Variants in PLEKHG1 observed in about 807,000 individuals in gnomAD.
The protein encoded by PLEKHG1 is pleckstrin homology domain-containing family G member 1.
A neutral mutation model predicts 100.8 loss-of-function variants in PLEKHG1; 44 were observed. The observed-to-expected ratio is 0.44, with a 90% CI of 0.34 to 0.56. The LOEUF (loss-of-function observed/expected upper bound fraction) is 0.56. Ranked by LOEUF, PLEKHG1 falls within the 20% of genes least tolerant of loss-of-function variation. The probability of loss-of-function intolerance (pLI) is 0.01; values close to 1 mark genes in which losing one functional copy is unlikely to be tolerated. For missense variants in PLEKHG1, 1,545 were observed against 1,720.9 expected, an observed-to-expected ratio of 0.90 and a Z score of 1.81; for synonymous variants, 640 against 662.5, an observed-to-expected ratio of 0.97 and a Z score of 0.52.
At chr6:150,744,333 C>A (rs1473576906) in intron 2 of PLEKHG1, among the ~76,000 whole-genome samples, 2 of 152,176 alleles carry the variant, frequency 1.3e-5, no homozygotes, top group African/African-American at 4.8e-5. Flanking sequence ...CTCGGCCTCC[C>A]AAAGTGTTGG....
At chr6:150,798,825 C>T (rs545226812) in intron 5 of PLEKHG1, among the ~76,000 whole-genome samples, 1 of 152,330 alleles carries the variant, frequency 6.6e-6, no homozygotes, top group Admixed American at 6.5e-5. Flanking sequence ...ACTGCAACCT[C>T]TGCCTCCTGG....
chr6:150,801,478 C>T (rs1786702835), intron 6 of PLEKHG1, among the ~76,000 whole-genome samples: 2 of 144,536 alleles, frequency 1.4e-5, no homozygotes, highest in South Asian at 2.2e-4. Flanking sequence ...GGCTCTGTTG[C>T]CCAGGCTGGC....
At chr6:150,800,946 C>G in intron 6 of PLEKHG1, 77 bp downstream of exon 7, 1 of 1,182,658 alleles carries the variant, frequency 8.5e-7, no homozygotes, top group South Asian at 1.3e-5. Flanking sequence ...GTGGAAAATA[C>G]CAGAAAATGC....
Position 150,840,065 on chromosome 6 carries a change from TC to T in PLEKHG1, c.3330del (p.Thr1111ArgfsTer38), listed in dbSNP as rs1562571956. 6.2e-7 allele frequency: 1 copy of T among 1,614,148 alleles called. No homozygotes were observed. Among genetic ancestry groups the T allele is most frequent in the Admixed American group, 1.7e-5 (1 of 60,014 alleles). On this transcript the variant is annotated frameshift_variant, in exon 16 of 16. Coordinates refer to ENST00000358517, the Ensembl canonical transcript of PLEKHG1. LOFTEE classifies it low-confidence loss of function (END_TRUNC). ...CAGAGCAAGACTTGAGGTCAAGATA[TC>T]CCACGTTTGAGATCAATACAAAAAG...
intron 3 of PLEKHG1, among the ~76,000 whole-genome samples, chr6:150,687,811 C>T (rs1780193072): frequency 6.6e-6 from 1 of 152,218 alleles, no homozygotes; most frequent in South Asian, 2.1e-4. Flanking sequence ...TGCATTTCAA[C>T]AAATATGTAT....
chr6:150,732,660 C>G (rs1443132744), intron 1 of PLEKHG1, among the ~76,000 whole-genome samples: 1 of 152,228 alleles, frequency 6.6e-6, no homozygotes, highest in Non-Finnish European at 1.5e-5. Context: ...CTCTGTCGCC[C>G]AGGCTGGAGT....
At chr6:150,841,009 G>T in exon 16 of PLEKHG1, 1 of 848,808 alleles carries the variant, frequency 1.2e-6, no homozygotes, top group Non-Finnish European at 2.0e-6. Flanking sequence ...AAGAACCAGA[G>T]GTGTAAAATA....
At chr6:150,646,895 G>A (rs1778526037) in intron 2 of PLEKHG1, among the ~76,000 whole-genome samples, 2 of 152,274 alleles carry the variant, frequency 1.3e-5, no homozygotes, top group East Asian at 1.9e-4. Flanking sequence ...AGGAACATTG[G>A]TAGATTTACC....
At chr6:150,789,924 GT>G (rs1785868409) in intron 4 of PLEKHG1, among the ~76,000 whole-genome samples, 1 of 152,184 alleles carries the variant, frequency 6.6e-6, no homozygotes, top group South Asian at 2.1e-4. Flanking sequence ...CAGTCGAGGT[GT>G]TTGCCTGGTC....
chr6:150,738,728 C>T (rs967843347), intron 2 of PLEKHG1, among the ~76,000 whole-genome samples: 14 of 152,152 alleles, frequency 9.2e-5, no homozygotes, highest in African/African-American at 3.1e-4. Context: ...GTGGCTCTTC[C>T]GTCCTCTGCT....
chr6:150,743,469 T>G (rs972249792), intron 2 of PLEKHG1, among the ~76,000 whole-genome samples: 4 of 152,140 alleles, frequency 2.6e-5, no homozygotes, highest in Non-Finnish European at 5.9e-5. Flanking sequence ...GAGGTTGCAG[T>G]AAGCTGAGAT....
At chr6:150,658,252 T>C (rs754119350) in intron 3 of PLEKHG1, among the ~76,000 whole-genome samples, 4 of 152,198 alleles carry the variant, frequency 2.6e-5, no homozygotes, top group Non-Finnish European at 4.4e-5. Context: ...AGGTTACATC[T>C]GTGATAAAAA....
At chr6:150,669,211 G>A (rs536245616) in intron 3 of PLEKHG1, among the ~76,000 whole-genome samples, 1 of 152,218 alleles carries the variant, frequency 6.6e-6, no homozygotes, top group Admixed American at 6.5e-5. Context: ...ATAGAGAGGG[G>A]AGAAAGCCTT....
At chr6:150,616,195 A>C (rs1327858428) in intron 1 of PLEKHG1, among the ~76,000 whole-genome samples, 1 of 152,188 alleles carries the variant, frequency 6.6e-6, no homozygotes, top group Non-Finnish European at 1.5e-5. Flanking sequence ...TGCCCCACAG[A>C]TCTTAGTCAC....
At chr6:150,800,860 C>T in exon 6 of PLEKHG1, 2 of 1,613,950 alleles carry the variant, frequency 1.2e-6, no homozygotes, top group Non-Finnish European at 8.5e-7. Flanking sequence ...AGTATCATCT[C>T]CTTCTGCATG....
chr6:150,823,647 T>G lies in PLEKHG1; in HGVS notation c.1448-7T>G. The G allele has an allele frequency of 1.2e-6, 2 of 1,604,432 alleles. No individual in the cohort carries two copies. The highest frequency in any genetic ancestry group is 1.7e-6 in the Non-Finnish European group (2 of 1,171,612). On this transcript the variant is annotated splice_polypyrimidine_tract_variant and splice_region_variant and intron_variant, in intron 13 of 15. Transcript: ENST00000358517. Reference sequence around the variant, plus strand: ...CTCAAACTTGAAAAAAAACTTTTATTTTTCAGAAACAGCACAAGACATCCA... The same window carrying G: ...CTCAAACTTGAAAAAAAACTTTTATGTTTCAGAAACAGCACAAGACATCCA...
chr6:150,703,318 CTT>C (rs1467383644), intron 3 of PLEKHG1, among the ~76,000 whole-genome samples: 1 of 152,086 alleles, frequency 6.6e-6, no homozygotes, highest in Non-Finnish European at 1.5e-5. Flanking sequence ...TAGAAAAGCT[CTT>C]GTCTGGCTGG....
At chr6:150,639,393 T>A (rs1000766997) in intron 2 of PLEKHG1, among the ~76,000 whole-genome samples, 1 of 152,158 alleles carries the variant, frequency 6.6e-6, no homozygotes, top group African/African-American at 2.4e-5. Context: ...ACATTTATCA[T>A]TTTTTTGTGT....
chr6:150,680,161 C>T (rs1779885532), intron 3 of PLEKHG1, among the ~76,000 whole-genome samples: 1 of 152,152 alleles, frequency 6.6e-6, no homozygotes, highest in Non-Finnish European at 1.5e-5. Context: ...CTATAGTTCT[C>T]CCCTCCAGAG....
Sources: gnomAD v4.1 joint callset for allele counts (sites outside exome capture counted in the v4.1 genomes callset) on GRCh38, gnomAD v4.1.1 for gene constraint, MANE v1.5 for transcripts, NCBI Gene and HGNC (gene_info 2026-07-23, HGNC 2026-07-21) for gene names.